Variants in PCDHA10 observed in about 807,000 individuals in gnomAD.
PCDHA10 encodes protocadherin alpha 10.
In PCDHA10, 45 loss-of-function variants were observed where a neutral mutation model predicts 61.2. The ratio of observed to expected loss-of-function variants is 0.74; its 90% CI spans 0.58 to 0.94. The LOEUF is 0.94. PCDHA10 is among the 40% of genes least tolerant of loss of function. The pLI is 0.00. For missense variants in PCDHA10, 1,278 were observed against 1,236.2 expected (o/e 1.03, Z -0.51); for synonymous variants, 602 against 548.8 (o/e 1.10, Z -1.35).
chr5:141,006,979 G>T (rs1236461454), intron 3 of PCDHA10, among the ~76,000 whole-genome samples: 1 of 152,156 alleles, frequency 6.6e-6, no homozygotes, highest in Non-Finnish European at 1.5e-5. Context: ...ACAGAGAGAT[G>T]TGGGCTTAAA....
chr5:141,000,304 G>A (rs1225893261), intron 3 of PCDHA10, among the ~76,000 whole-genome samples: 1 of 147,530 alleles, frequency 6.8e-6, no homozygotes, highest in Non-Finnish European at 1.5e-5. Context: ...GAGGCCAGGA[G>A]TTCAAGACCA....
chr5:140,969,051 A>T (rs908108421), intron 1 of PCDHA10: 3 of 1,614,062 alleles, frequency 1.9e-6, no homozygotes, highest in Non-Finnish European at 1.7e-6. Context: ...CAAGCCAACA[A>T]CAATATTGAT....
chr5:140,933,677 T>C (rs1024721491), intron 1 of PCDHA10, among the ~76,000 whole-genome samples: 1 of 151,826 alleles, frequency 6.6e-6, no homozygotes, highest in Non-Finnish European at 1.5e-5. Flanking sequence ...CTCTCTCACA[T>C]TTTTTTTCCT....
At chr5:140,884,205 G>T (rs1554181325) in intron 1 of PCDHA10, 3 of 1,613,490 alleles carry the variant, frequency 1.9e-6, no homozygotes, top group East Asian at 4.5e-5. Context: ...CCGCACCACC[G>T]CCTTCTGGTG....
rs762916391 is a variant in PCDHA10, at chr5:140,927,929, C to T, written c.2389-51020C>T. 13 of 1,614,090 alleles carry T rather than the reference C, an allele frequency of 8.1e-6. No homozygotes were observed. The highest frequency in any genetic ancestry group is 5.0e-5 in the Admixed American group (3 of 60,008). ...CCCGAACTGGACTTCCTGACTCTTT[C>T]GAACCCAGTACCTGAGGACGCTGCC... On this transcript the variant is annotated intron_variant, in intron 1 of 3. Transcript: ENST00000307360.
At chr5:140,969,178 C>G (rs2096303822) in intron 1 of PCDHA10, 1 of 1,613,978 alleles carries the variant, frequency 6.2e-7, no homozygotes, top group South Asian at 1.1e-5. Flanking sequence ...CAGGGAGTGA[C>G]ACTTTCATGT....
chr5:140,905,722 T>A (rs1326323051), intron 1 of PCDHA10, among the ~76,000 whole-genome samples: 1 of 152,206 alleles, frequency 6.6e-6, no homozygotes, highest in Non-Finnish European at 1.5e-5. Context: ...AGCAGTGTTT[T>A]GTAGTTTTCC....
chr5:140,891,877 T>A (rs2063293050), intron 1 of PCDHA10, among the ~76,000 whole-genome samples: 1 of 152,218 alleles, frequency 6.6e-6, no homozygotes, highest in East Asian at 1.9e-4. Flanking sequence ...TTTGGCTCTG[T>A]CATGTGACGA....
intron 1 of PCDHA10, among the ~76,000 whole-genome samples, chr5:140,886,602 C>T (rs1167539535): frequency 6.6e-6 from 1 of 151,756 alleles, no homozygotes; most frequent in Non-Finnish European, 1.5e-5. Flanking sequence ...CCAAGGTGGG[C>T]GGATCAGGAG....
Position 140,946,631 on chromosome 5 carries a change from T to TATATACAC in PCDHA10, c.2389-32317_2389-32316insTATACACA, listed in dbSNP as rs57893927. Among the ~76,000 whole-genome samples, 48 of 131,820 alleles carry TATATACAC rather than the reference T, an allele frequency of 3.6e-4. 1 individual carries two copies. Among genetic ancestry groups the TATATACAC allele is most frequent in the South Asian group, 8.9e-4 (4 of 4,516 alleles). The allele number at this position is 131,820 out of a possible 152,430, so 86.5% of individuals were successfully genotyped here. A position where few individuals can be genotyped will look rare whatever the true frequency, so the allele number is the denominator to read the frequency against. ...TGTGAAATATATATATATATATATA[T>TATATACAC]ACAATGGAATACTCATCAGCCATTA... is the stretch of plus-strand genomic sequence containing the variant. On this transcript the variant is annotated intron_variant, in intron 1 of 3. Coordinates refer to ENST00000307360, the MANE Select transcript of PCDHA10 (RefSeq NM_018901.4).
intron 1 of PCDHA10, among the ~76,000 whole-genome samples, chr5:140,960,717 TATTTTAGTCCATG>T (rs1244851083): frequency 3.3e-4 from 10 of 30,264 alleles, no homozygotes; most frequent in African/African-American, 2.5e-3. Flanking sequence ...ATACTCATCT[TATTTTAGTCCATG>T]ATTTTAGTCC....
At chr5:140,939,441 T>A (rs1471285631) in intron 1 of PCDHA10, among the ~76,000 whole-genome samples, 1 of 152,274 alleles carries the variant, frequency 6.6e-6, no homozygotes, top group East Asian at 1.9e-4. Flanking sequence ...TTTGAAGAAT[T>A]AAGAGTGAAA....
At chr5:140,895,099 T>C (rs558310890) in intron 1 of PCDHA10, among the ~76,000 whole-genome samples, 1 of 152,326 alleles carries the variant, frequency 6.6e-6, no homozygotes, top group East Asian at 1.9e-4. Flanking sequence ...ATAGGGGTTT[T>C]TGCTACAAGA....
intron 1 of PCDHA10, chr5:140,868,546 A>T (rs1356639258): frequency 1.3e-5 from 2 of 152,640 alleles, no homozygotes; most frequent in African/African-American, 2.4e-5. Context: ...TTCAAATTTG[A>T]TAGTATTTTT....
chr5:140,869,525 T>C, intron 1 of PCDHA10: 2 of 1,614,200 alleles, frequency 1.2e-6, no homozygotes, highest in Admixed American at 1.7e-5. Context: ...CAAAAGCTGC[T>C]GATTGCGGAA....
chr5:140,972,837 T>C (rs1328315293), intron 1 of PCDHA10, among the ~76,000 whole-genome samples: 1 of 152,004 alleles, frequency 6.6e-6, no homozygotes, highest in Non-Finnish European at 1.5e-5. Context: ...CTAATTTTTG[T>C]ATTTTTAGTA....
Position 140,855,940 on chromosome 5 carries a change from T to G in PCDHA10, c.-109T>G, listed in dbSNP as rs781849353. 20 of 1,323,248 alleles carry G rather than the reference T, an allele frequency of 1.5e-5. 4 individuals carry two copies. The highest frequency in any genetic ancestry group is 2.9e-5 in the South Asian group (2 of 68,766). The allele number at this position is 1,323,248 out of a possible 1,614,324, so 82.0% of individuals were successfully genotyped here. A position where few individuals can be genotyped will look rare whatever the true frequency, so the allele number is the denominator to read the frequency against. Reference sequence around the variant, plus strand: ...TAGGAAGTAGCGTCATTCTGAGATCTCAGCCATTTCGATAAAAAATAGATA... The same window carrying G: ...TAGGAAGTAGCGTCATTCTGAGATCGCAGCCATTTCGATAAAAAATAGATA... On this transcript the variant is annotated 5_prime_UTR_variant, in exon 1 of 4. Transcript: ENST00000307360.
intron 3 of PCDHA10, 34 bp from the exon 4 acceptor site, chr5:141,009,593 C>G: frequency 6.2e-7 from 1 of 1,602,020 alleles, no homozygotes; most frequent in South Asian, 1.1e-5. Flanking sequence ...CATGTGTTGA[C>G]CCTGTTAATG....
chr5:141,010,226 C>T lies in PCDHA10; in HGVS notation c.*289C>T, dbSNP rs1386050566. ...CGCCGCAAAGGAGAGGCTTCCCAGC[C>T]CCGCCAGTGAGAGGTTGGACTCTCT... On this transcript the variant is annotated 3_prime_UTR_variant, in exon 4 of 4. Transcript: ENST00000307360. 6.4e-7 allele frequency: 1 copy of T among 1,551,824 alleles called. No homozygotes were observed. Among genetic ancestry groups the T allele is most frequent in the Admixed American group, 2.0e-5 (1 of 51,014 alleles).
Sources: allele counts gnomAD v4.1 joint callset (sites outside exome capture counted in the v4.1 genomes callset), GRCh38; gene constraint gnomAD v4.1.1; transcripts MANE v1.5; gene names NCBI Gene and HGNC (gene_info 2026-07-23, HGNC 2026-07-21).